Variants in ANKHD1 observed in about 807,000 individuals in gnomAD.
The protein encoded by ANKHD1 is ankyrin repeat and KH domain containing 1.
ANKHD1 carries 31 observed loss-of-function variants against 230.5 expected under a neutral mutation model. The ratio of observed to expected loss-of-function variants is 0.13; its 90% CI spans 0.10 to 0.18. The LOEUF (loss-of-function observed/expected upper bound fraction) is 0.18. Among genes scored for constraint, ANKHD1 ranks in the 10% least tolerant of loss-of-function variants. ANKHD1 has a pLI of 1.00. For synonymous variants in ANKHD1, 1,074 were observed against 1,117.6 expected (o/e 0.96, Z 0.78); for missense variants, 2,256 against 3,071.3 (o/e 0.73, Z 6.27).
At chr5:140,441,886 A>G (rs958572669) in intron 5 of ANKHD1, among the ~76,000 whole-genome samples, 3 of 152,052 alleles carry the variant, frequency 2.0e-5, no homozygotes, top group Admixed American at 6.5e-5. Context: ...TATGTATGTA[A>G]TATATATGGA....
intron 5 of ANKHD1, among the ~76,000 whole-genome samples, 153 bp from the exon 6 acceptor site, chr5:140,445,588 TA>T (rs1197111078): frequency 6.6e-6 from 1 of 152,236 alleles, no homozygotes; most frequent in Non-Finnish European, 1.5e-5. Context: ...GTGATTTGTG[TA>T]AGGGAATTGA....
intron 21 of ANKHD1, 93 bp downstream of exon 21, chr5:140,509,905 ATTG>A (rs1752685898): frequency 1.9e-6 from 3 of 1,544,452 alleles, no homozygotes; most frequent in Non-Finnish European, 2.6e-6. Context: ...CTTTATTGAT[ATTG>A]TTAAGAAAAG....
chr5:140,523,794 C>T lies in ANKHD1; in HGVS notation c.4318-272C>T, dbSNP rs141922369. Among the ~76,000 whole-genome samples, 64 of 152,244 alleles carry T rather than the reference C, an allele frequency of 4.2e-4. 1 individual carries two copies. The East Asian group carries it at 0.012, about 28-fold the overall frequency. ...TACATTAGTCTCGAACTCCTGACCT[C>T]AGGTAATCCACCGACCTCGGCCTCT... On this transcript the variant is annotated intron_variant, in intron 24 of 33. Coordinates refer to ENST00000360839, the MANE Select transcript of ANKHD1 (RefSeq NM_017747.3).
chr5:140,477,967 G>A (rs1221345248), intron 10 of ANKHD1, among the ~76,000 whole-genome samples: 4 of 152,080 alleles, frequency 2.6e-5, no homozygotes, highest in South Asian at 2.1e-4. Context: ...AAAATTACAC[G>A]GTAGAAACTG....
rs1300877122 is a variant in ANKHD1, at chr5:140,526,002, A to T, written c.4499A>T (p.Gln1500Leu). The T allele has an allele frequency of 6.4e-7, 1 of 1,570,410 alleles. No homozygotes were observed. Among genetic ancestry groups the T allele is most frequent in the Non-Finnish European group, 8.6e-7 (1 of 1,165,188 alleles). ...TTCTTTTTAACAATTTCAGTGGAGC[A>T]AGAAGTTCCCATAGAACCTCCTAGT... ...DEEENDEDVEQEVPIEPPSAT... is the reference protein window; with the variant it reads ...DEEENDEDVELEVPIEPPSAT... The change falls in exon 26 of 34, where the codon CAA becomes CTA. Residue 1500 changes from glutamine (Q) to leucine (L), a missense_variant. Around this residue, in one of 13 missense-constraint regions of ANKHD1, gnomAD observed 212 missense variants for 257.3 expected, o/e 0.82. Coordinates refer to ENST00000360839, the MANE Select transcript of ANKHD1 (RefSeq NM_017747.3).
At chr5:140,453,331 G>A (rs1206583606) in intron 7 of ANKHD1, among the ~76,000 whole-genome samples, 3 of 152,130 alleles carry the variant, frequency 2.0e-5, no homozygotes, top group African/African-American at 7.2e-5. Flanking sequence ...TAGCAAGGCA[G>A]GCCAACATTC....
chr5:140,473,308 G>A (rs568741765), intron 10 of ANKHD1, among the ~76,000 whole-genome samples: 2 of 152,232 alleles, frequency 1.3e-5, no homozygotes, highest in African/African-American at 2.4e-5. Context: ...GATTACAGGC[G>A]TGAGTCACCG....
At chr5:140,423,284 A>G (rs2126878260) in intron 1 of ANKHD1, among the ~76,000 whole-genome samples, 1 of 152,230 alleles carries the variant, frequency 6.6e-6, no homozygotes, top group East Asian at 1.9e-4. Context: ...GTGCACTTTA[A>G]TTGCATCACC....
At position 140,532,577 on chromosome 5, in the gene ANKHD1, C is replaced by T. The variant is rs567671679; in HGVS notation, c.6850+2781C>T. Among the ~76,000 whole-genome samples the T allele has an allele frequency of 7.7e-4, 117 of 152,146 alleles. No homozygotes were observed. The Middle Eastern group carries it at 0.014, about 18-fold the overall frequency. On this transcript the variant is annotated intron_variant, in intron 29 of 33. Transcript: ENST00000360839. ...TTGGCATCCCAAAGAGATAGGATTG[C>T]GGGTGTGAGCCACCATGCCCAGCTT...
chr5:140,468,354 T>G (rs1249944936), intron 10 of ANKHD1, among the ~76,000 whole-genome samples: 1 of 152,120 alleles, frequency 6.6e-6, no homozygotes, highest in East Asian at 1.9e-4. Context: ...TGACCTTTGT[T>G]GCTTTCTTTG....
At position 140,402,170 on chromosome 5, in the gene ANKHD1, C is replaced by A; in HGVS notation, c.203C>A (p.Thr68Lys). Residue 68 changes from threonine (T) to lysine (K), a missense_variant, in exon 1 of 34, where the codon ACG becomes AAG. Transcript: ENST00000360839. ...GGCGGCGGCGGCAGCGGCAGCGGTA[C>A]GGGCGGAGGGGACGCGGCGCTGGAT... ...SSGGGGSGSGTGGGDAALDFK... is the reference protein window; with the variant it reads ...SSGGGGSGSGKGGGDAALDFK... 6.6e-7 allele frequency: 1 copy of A among 1,523,368 alleles called. No homozygotes were observed. The highest frequency in any genetic ancestry group is 1.2e-5 in the South Asian group (1 of 81,106). 94.4% of individuals were successfully genotyped at this position (1,523,368 alleles called of 1,614,324 possible).
In ANKHD1 at chr5:140,458,805, T is replaced by A. The variant is rs763107019; in HGVS notation, c.1423T>A (p.Leu475Met). The A allele has an allele frequency of 1.9e-6, 3 of 1,613,074 alleles. No individual in the cohort carries two copies. The South Asian group carries it at 3.3e-5, about 18-fold the overall frequency. ...EEVNDEGYTP[L>M]MEAAREGHEE... The stretch of plus-strand genomic sequence containing the variant: ...AGTTAATGATGAAGGATACACTCCC[T>A]TGATGGAAGCTGCCCGGGAAGGACA... Residue 475 changes from leucine (L) to methionine (M), a missense_variant, in exon 8 of 34, where the codon TTG (leucine) becomes ATG (methionine). Around this residue, in one of 13 missense-constraint regions of ANKHD1, gnomAD observed 179 missense variants for 261.8 expected, o/e 0.68. Coordinates refer to ENST00000360839, the MANE Select transcript of ANKHD1 (RefSeq NM_017747.3).
intron 1 of ANKHD1, among the ~76,000 whole-genome samples, chr5:140,420,218 G>A (rs1376405073): frequency 6.6e-6 from 1 of 151,468 alleles, no homozygotes; most frequent in African/African-American, 2.4e-5. Flanking sequence ...TCAAACTCCT[G>A]GCCTCAGGCA....
At chr5:140,538,750 T>C (rs1014533967) in intron 32 of ANKHD1, among the ~76,000 whole-genome samples, 169 bp from the exon 33 acceptor site, 2 of 152,260 alleles carry the variant, frequency 1.3e-5, no homozygotes, top group Admixed American at 1.3e-4. Context: ...GCTTTGCAGA[T>C]GCAGATAAAC....
At chr5:140,475,949 TAA>T (rs1021445131) in intron 10 of ANKHD1, among the ~76,000 whole-genome samples, 13 of 152,136 alleles carry the variant, frequency 8.5e-5, no homozygotes, top group African/African-American at 3.1e-4. Flanking sequence ...GAAATTGAAA[TAA>T]ACTTTAATCT....
In ANKHD1 at chr5:140,436,206, A is replaced by C; in HGVS notation, c.409A>C (p.Thr137Pro). Residue 137 changes from threonine to proline, a missense_variant, in exon 2 of 34, where the codon ACT becomes CCT. Around this residue, in one of 13 missense-constraint regions of ANKHD1, gnomAD observed 193 missense variants for 185.8 expected, o/e 1.04. Coordinates refer to ENST00000360839, the MANE Select transcript of ANKHD1 (RefSeq NM_017747.3). The stretch of plus-strand genomic sequence containing the variant: ...TACTGCAGAAGGAGCAGACTTACGC[A>C]CTGTGGATCCAGAGACACAGGCACG... The part of the protein sequence containing the change: ...SSTAEGADLR[T>P]VDPETQARLE... The C allele has an allele frequency of 5.0e-6, 8 of 1,606,472 alleles. No homozygotes were observed. Among genetic ancestry groups the C allele is most frequent in the Non-Finnish European group, 5.9e-6 (7 of 1,176,764 alleles).
intron 1 of ANKHD1, among the ~76,000 whole-genome samples, chr5:140,427,570 C>T (rs1169959525): frequency 2.2e-5 from 3 of 137,368 alleles, no homozygotes; most frequent in African/African-American, 5.3e-5. Context: ...ACCTCCCTTG[C>T]GGACGGGGCG....
chr5:140,474,807 A>G (rs1750876320), intron 10 of ANKHD1, among the ~76,000 whole-genome samples: 1 of 151,828 alleles, frequency 6.6e-6, no homozygotes, highest in South Asian at 2.1e-4. Context: ...TATCTTGCCC[A>G]GACTTGTAGT....
At chr5:140,530,189 GTATTT>G (rs1753750996) in intron 29 of ANKHD1, among the ~76,000 whole-genome samples, 1 of 151,848 alleles carries the variant, frequency 6.6e-6, no homozygotes, top group South Asian at 2.1e-4. Context: ...TGTTTTTTAT[GTATTT>G]TATTTTTTAT....
Sources: allele counts gnomAD v4.1 joint callset (sites outside exome capture counted in the v4.1 genomes callset), GRCh38; gene constraint gnomAD v4.1.1; regional missense constraint gnomAD v4.1.1; transcripts MANE v1.5; gene names NCBI Gene and HGNC (gene_info 2026-07-23, HGNC 2026-07-21).